The following CDC45 variants were observed in gnomAD, a reference collection of about 807,000 sequenced individuals.
CDC45 encodes the protein cell division control protein 45 homolog.
CDC45 carries 54 observed loss-of-function variants against 77.8 expected under a neutral mutation model. That is an observed-to-expected ratio of 0.69 (90% confidence interval 0.56 to 0.87). The LOEUF is 0.87. CDC45 is among the 40% of genes least tolerant of loss of function. CDC45 has a pLI of 0.00. For missense variants in CDC45, 649 were observed against 721.6 expected (o/e 0.90, Z 1.15); for synonymous variants, 260 against 272.1 (o/e 0.96, Z 0.44).
intron 3 of CDC45, 92 bp from the exon 4 acceptor site, chr22:19,482,594 CTGAG>C (rs2090000317): frequency 7.4e-7 from 1 of 1,343,974 alleles, no homozygotes. Context: ...ATGTCAGGGA[CTGAG>C]TGAGTTTAAG....
chr22:19,505,530 C>T (rs775729094), intron 10 of CDC45, 49 bp downstream of exon 10: 5 of 1,605,172 alleles, frequency 3.1e-6, no homozygotes, highest in South Asian at 1.1e-5. Flanking sequence ...CCCTGCTCAG[C>T]AGGCCTTGTT....
rs1354479428 is a variant in CDC45 at position 19,505,275 on chromosome 22, G to T, written c.705-87G>T. The T allele has an allele frequency of 9.2e-6, 14 of 1,525,562 alleles. No homozygotes were observed. The Admixed American group carries it at 1.4e-4, about 15-fold the overall frequency. 94.5% of individuals were successfully genotyped at this position (1,525,562 alleles called of 1,614,324 possible). ...TGTGGTGAGCAGGCCCCTGAGGAAG[G>T]CCTTGAGCGGGAATGGAGCCTAGGC... is the stretch of plus-strand genomic sequence containing the variant. On this transcript the variant is annotated intron_variant, in intron 9 of 18. Coordinates refer to ENST00000263201, the MANE Select transcript of CDC45 (RefSeq NM_003504.5).
intron 6 of CDC45, 125 bp downstream of exon 6, chr22:19,494,507 T>G: frequency 1.3e-6 from 2 of 1,552,806 alleles, no homozygotes; most frequent in Non-Finnish European, 1.7e-6. Context: ...TTTGGGCCAG[T>G]GGCTCTGGGA....
At chr22:19,514,343 G>A (rs1480976275) in intron 13 of CDC45, among the ~76,000 whole-genome samples, 3 of 152,164 alleles carry the variant, frequency 2.0e-5, no homozygotes, top group Non-Finnish European at 2.9e-5. Flanking sequence ...CTTATTCACA[G>A]ATGGTACATT....
chr22:19,480,040 C>T (rs373683620), intron 1 of CDC45, 21 bp downstream of exon 1: 24 of 1,613,792 alleles, frequency 1.5e-5, no homozygotes, highest in Non-Finnish European at 2.0e-5. Context: ...GTCCGGGACC[C>T]CCGCCGAGGC....
Position 19,509,896 on chromosome 22 carries a change from G to A in CDC45, c.1217+1205G>A, listed in dbSNP as rs1055327034. 3.3e-5 allele frequency among the ~76,000 whole-genome samples: 5 copies of A among 152,092 alleles called. No individual in the cohort carries two copies. In the South Asian group the frequency reaches 1.0e-3, roughly 32 times the overall value. ...ACACTTTTTTTTCCACTGCTTTATT[G>A]AGATACAATTTGCATGCCATACAAT... On this transcript the variant is annotated intron_variant, in intron 13 of 18. Transcript: ENST00000263201.
chr22:19,499,028 C>A, intron 8 of CDC45, 73 bp from the exon 9 acceptor site: 1 of 1,498,032 alleles, frequency 6.7e-7, no homozygotes, highest in Non-Finnish European at 9.3e-7. Flanking sequence ...GTTCCATCAT[C>A]TCACTCCATC....
chr22:19,504,391 C>G (rs1933037531), intron 9 of CDC45, among the ~76,000 whole-genome samples: 1 of 152,188 alleles, frequency 6.6e-6, no homozygotes, highest in Non-Finnish European at 1.5e-5. Flanking sequence ...CCTCCGCCTC[C>G]CAGATTCAAG....
intron 13 of CDC45, among the ~76,000 whole-genome samples, chr22:19,511,049 AAGGAACTGCCAGATTTTTG>A (rs1256278111): frequency 6.6e-6 from 1 of 152,162 alleles, no homozygotes; most frequent in Non-Finnish European, 1.5e-5. Context: ...ACTAGGTTTC[AAGGAACTGCCAGATTTTTG>A]AGGAACTGCC....
Position 19,479,972 on chromosome 22 carries a change from T to C in CDC45, c.4T>C (p.Phe2Leu). 6.2e-7 allele frequency: 1 copy of C among 1,613,630 alleles called. No individual in the cohort carries two copies. Among genetic ancestry groups the C allele is most frequent in the South Asian group, 1.1e-5 (1 of 91,088 alleles). M[F>L]VSDFRKEFYE... ...CAGGCGTCCGGCCGCCGTGGCTATGTTCGTGTCCGATTTCCGCAAAGAGTT... is the reference window on the plus strand; with the variant it reads ...CAGGCGTCCGGCCGCCGTGGCTATGCTCGTGTCCGATTTCCGCAAAGAGTT... Residue 2 changes from phenylalanine to leucine, a missense_variant, in exon 1 of 19, where the codon TTC (phenylalanine) becomes CTC (leucine). Coordinates refer to ENST00000263201, the MANE Select transcript of CDC45 (RefSeq NM_003504.5).
chr22:19,481,033 G>A lies in CDC45; in HGVS notation c.192G>A (p.Glu64=). ...GWQELETAFL[E]HKEQFHYFIL... Reference sequence around the variant, plus strand: ...AAGAACTTGAAACTGCATTTCTTGAGCATAAAGAACAGGTATTGAAGATGC... The same window carrying A: ...AAGAACTTGAAACTGCATTTCTTGAACATAAAGAACAGGTATTGAAGATGC... The change falls in exon 3 of 19, where the codon GAG becomes GAA. Residue 64 remains glutamate (E), a synonymous_variant. Coordinates refer to ENST00000263201, the MANE Select transcript of CDC45 (RefSeq NM_003504.5). 6.2e-7 allele frequency: 1 copy of A among 1,611,030 alleles called. No homozygotes were observed.
intron 5 of CDC45, 89 bp downstream of exon 5, chr22:19,484,094 C>G: frequency 7.9e-7 from 1 of 1,268,530 alleles, no homozygotes; most frequent in East Asian, 2.4e-5. Context: ...CCAAGGTGTA[C>G]TGAGGGCAGT....
chr22:19,505,142 TG>T, intron 9 of CDC45: 1 of 561,426 alleles, frequency 1.8e-6, no homozygotes, highest in Non-Finnish European at 3.2e-6. Flanking sequence ...GGACCGGAGG[TG>T]GACAAGGCTA....
chr22:19,515,874 G>A (rs1056331886), intron 15 of CDC45, among the ~76,000 whole-genome samples: 3 of 152,160 alleles, frequency 2.0e-5, no homozygotes, highest in Non-Finnish European at 4.4e-5. Context: ...TACCAGACAT[G>A]TATTGAACAT....
upstream of CDC45, chr22:19,479,553 G>C: frequency 3.5e-6 from 2 of 566,796 alleles, no homozygotes; most frequent in Non-Finnish European, 6.9e-6. Context: ...TATTGCAAAC[G>C]TAAATGCTGC....
In CDC45 at chr22:19,491,357, T is replaced by C. The variant is rs531873425; in HGVS notation, c.487-2970T>C. On this transcript the variant is annotated intron_variant, in intron 5 of 18. Coordinates refer to ENST00000263201, the MANE Select transcript of CDC45 (RefSeq NM_003504.5). The stretch of plus-strand genomic sequence containing the variant: ...TTTCCATTTCCTTTCTATTTAAGAG[T>C]CTCCTTTAACCGTTCCTTTGGGGGA... Among the ~76,000 whole-genome samples the C allele has an allele frequency of 2.0e-5, 3 of 152,152 alleles. No homozygotes were observed. In the South Asian group the frequency reaches 6.2e-4, roughly 32 times the overall value.
At chr22:19,487,645 G>A (rs933630040) in intron 5 of CDC45, among the ~76,000 whole-genome samples, 1 of 152,170 alleles carries the variant, frequency 6.6e-6, no homozygotes, top group Admixed American at 6.5e-5. Flanking sequence ...CGGGCGTGGT[G>A]GCTCACGCCT....
chr22:19,488,242 C>T (rs1281751942), intron 5 of CDC45, among the ~76,000 whole-genome samples: 1 of 152,242 alleles, frequency 6.6e-6, no homozygotes, highest in African/African-American at 2.4e-5. Flanking sequence ...ACTCCAGAAC[C>T]TAGCAGCTTA....
At chr22:19,517,881 A>G (rs932794066) in intron 17 of CDC45, among the ~76,000 whole-genome samples, 1 of 152,244 alleles carries the variant, frequency 6.6e-6, no homozygotes, top group African/African-American at 2.4e-5. Context: ...GAGACCGTTC[A>G]GCTCATAACA....
Sources: allele counts gnomAD v4.1 joint callset (sites outside exome capture counted in the v4.1 genomes callset), GRCh38; gene constraint gnomAD v4.1.1; transcripts MANE v1.5; gene names NCBI Gene and HGNC (gene_info 2026-07-23, HGNC 2026-07-21).